The following MUC4 variants were observed in gnomAD, a reference collection of about 807,000 sequenced individuals.
MUC4 encodes mucin-4.
Under a neutral mutation model 257.9 loss-of-function variants are expected in MUC4, and 202 were observed. The ratio of observed to expected loss-of-function variants is 0.78; its 90% confidence interval spans 0.70 to 0.88. MUC4 has a LOEUF of 0.88. Ranked by LOEUF, MUC4 falls within the 40% of genes least tolerant of loss-of-function variation. The pLI is 0.00. For synonymous variants in MUC4, 2,351 were observed against 2,757.1 expected (o/e 0.85, Z 4.62); for missense variants, 5,976 against 6,513.7 (o/e 0.92, Z 2.84).
At position 195,779,940 on chromosome 3, in the gene MUC4, T is replaced by C. The variant is rs747268101; in HGVS notation, c.11640A>G (p.Ser3880=). 9.6e-6 allele frequency: 14 copies of C among 1,457,392 alleles called. 1 individual carries two copies. Among genetic ancestry groups the C allele is most frequent in the Non-Finnish European group, 1.3e-5 (14 of 1,104,080 alleles). 90.3% of individuals were successfully genotyped at this position (1,457,392 alleles called of 1,614,324 possible). Residue 3880 remains serine (S), a synonymous_variant, in exon 2 of 25, where the codon TCA becomes TCG. Transcript: ENST00000463781. ...ATPLPVTGLS[S]ASTGDTTPLP... ...GAGGGGTGGTGTCACCTGTGGAAGC[T>C]GAGGAAAGGCCGGTAACAGGAAGAG...
rs774114942 is a variant in MUC4 at position 195,791,206 on chromosome 3, G to C, written c.374C>G (p.Ser125Cys). 1 of 1,613,664 alleles carries C rather than the reference G, an allele frequency of 6.2e-7. No individual in the cohort carries two copies. Among genetic ancestry groups the C allele is most frequent in the South Asian group, 1.1e-5 (1 of 91,068 alleles). ...PPDEMTTSFP[S>C]SVTNTLMMTS... is the part of the protein sequence containing the mutation. ...CATCATGAGTGTGTTGGTGACACTG[G>C]AGGGAAATGATGTGGTCATTTCATC... Residue 125 changes from serine (S) to cysteine (C), a missense_variant, in exon 2 of 25, where the codon TCC becomes TGC. This residue lies in a region of MUC4 where 1,583 missense variants were observed against 1,257.4 expected (regional missense o/e 1.26). Coordinates refer to ENST00000463781, the MANE Select transcript of MUC4 (RefSeq NM_018406.7).
At position 195,774,611 on chromosome 3, in the gene MUC4, A is replaced by G. The variant is rs117432958; in HGVS notation, c.12944-306T>C. ...TCAATCCTTTTCAGGGTTAAAAGAC[A>G]AAAGTCTATGCTGGGTGCGGTGGCT... On this transcript the variant is annotated intron_variant, in intron 3 of 24. Coordinates refer to ENST00000463781, the MANE Select transcript of MUC4 (RefSeq NM_018406.7). Among the ~76,000 whole-genome samples the G allele has an allele frequency of 1.5e-4, 23 of 152,314 alleles. No individual in the cohort carries two copies. In the East Asian group the frequency reaches 4.3e-3, roughly 28 times the overall value.
chr3:195,766,405 T>C (rs906656530), intron 8 of MUC4, among the ~76,000 whole-genome samples: 3 of 151,936 alleles, frequency 2.0e-5, no homozygotes, highest in African/African-American at 7.3e-5. Context: ...CCGAGAGCCC[T>C]CTTGGGCTGG....
Position 195,774,194 on chromosome 3 carries a change from G to A in MUC4, c.13055C>T (p.Ser4352Phe). ...CACGTAGAGGGAATCACGGAGAGAG[G>A]AGCCAAGGGGGAAGCCAGTCGCCGG... Reference protein sequence around the residue: ...FKPATGFPLGSSLRDSLYFTD... With the variant: ...FKPATGFPLGFSLRDSLYFTD... The change falls in exon 4 of 25, where the codon TCC becomes TTC. Residue 4352 changes from serine (S) to phenylalanine (F), a missense_variant. Ser to Phe is a radical substitution (Grantham distance 155). Coordinates refer to ENST00000463781, the MANE Select transcript of MUC4 (RefSeq NM_018406.7). 1 of 1,608,554 alleles carries A rather than the reference G, an allele frequency of 6.2e-7. No homozygotes were observed. The highest frequency in any genetic ancestry group is 1.3e-5 in the African/African-American group (1 of 74,498).
chr3:195,802,368 G>A (rs1735436896), intron 1 of MUC4, among the ~76,000 whole-genome samples: 1 of 41,912 alleles, frequency 2.4e-5, no homozygotes, highest in African/African-American at 6.8e-5. Context: ...CACTGCCCCT[G>A]CTGACTCGGG....
At chr3:195,796,965 G>A (rs922168255) in intron 1 of MUC4, among the ~76,000 whole-genome samples, 11 of 152,318 alleles carry the variant, frequency 7.2e-5, no homozygotes, top group East Asian at 3.9e-4. Flanking sequence ...CATCATGGCC[G>A]GGCGCGGCGG....
Position 195,781,338 on chromosome 3 carries a change from A to G in MUC4, c.10242T>C (p.Pro3414=). ...TGGCGTGACCTGTGGATGCTGAGGA[A>G]GGGCTAGTGACAGGAAGAGGCATGG... is the stretch of plus-strand genomic sequence containing the variant. ...GDTMPLPVTS[P]SSASTGHATP... The change falls in exon 2 of 25, where the codon CCT becomes CCC. Residue 3414 remains proline, a synonymous_variant. Transcript: ENST00000463781. The G allele has an allele frequency of 1.3e-6, 2 of 1,503,170 alleles. No homozygotes were observed. The highest frequency in any genetic ancestry group is 1.8e-6 in the Non-Finnish European group (2 of 1,117,180). 93.1% of individuals were successfully genotyped at this position (1,503,170 alleles called of 1,614,324 possible). A position where few individuals can be genotyped will look rare whatever the true frequency, so the allele number is the denominator to read the frequency against.
At chr3:195,770,468 C>A (rs1249711421) in intron 5 of MUC4, 97 bp from the exon 6 acceptor site, 7 of 1,387,966 alleles carry the variant, frequency 5.0e-6, no homozygotes, top group Non-Finnish European at 6.0e-6. Flanking sequence ...CACTTCAGCC[C>A]ACCCAATGGC....
intron 19 of MUC4, chr3:195,753,949 A>C: frequency 7.5e-6 from 3 of 399,648 alleles, no homozygotes; most frequent in Non-Finnish European, 8.7e-6. Flanking sequence ...AGGGATGCCC[A>C]GCCCCGTCCC....
At chr3:195,795,652 T>C (rs1218310066) in intron 1 of MUC4, among the ~76,000 whole-genome samples, 2 of 151,444 alleles carry the variant, frequency 1.3e-5, no homozygotes. Context: ...TGAGTTTCCC[T>C]GCAAAAAGCT....
intron 24 of MUC4, among the ~76,000 whole-genome samples, chr3:195,748,047 C>T (rs1180143766): frequency 2.0e-5 from 3 of 151,380 alleles, no homozygotes; most frequent in Non-Finnish European, 4.4e-5. Flanking sequence ...CCCCCTCCTT[C>T]GGCGGGATCT....
chr3:195,780,590 G>T lies in MUC4; in HGVS notation c.10990C>A (p.Pro3664Thr), dbSNP rs200928587. 6.2e-6 allele frequency: 2 copies of T among 324,206 alleles called. No homozygotes were observed. The highest frequency in any genetic ancestry group is 2.9e-4 in the East Asian group (2 of 6,820). The allele number at this position is 324,206 out of a possible 1,614,324, so 20.1% of individuals were successfully genotyped here. Residue 3664 changes from proline (P) to threonine (T), a missense_variant, in exon 2 of 25, where the codon CCT becomes ACT. Physicochemically the swap from Pro to Thr is conservative, Grantham distance 38. This residue lies in a region of MUC4 where 59 missense variants were observed against 149.8 expected (regional missense o/e 0.39). Coordinates refer to ENST00000463781, the MANE Select transcript of MUC4 (RefSeq NM_018406.7). The stretch of plus-strand genomic sequence containing the variant: ...GAGGAAGTGTCGGTGACAGGAAGAG[G>T]GGTGGCGTGACCTGTGGATACTGAG... ...ASSVSTGHAT[P>T]LPVTDTSSAS...
intron 23 of MUC4, 21 bp from the exon 24 acceptor site, chr3:195,749,085 T>A: frequency 6.2e-7 from 1 of 1,607,724 alleles, no homozygotes; most frequent in South Asian, 1.1e-5. Context: ...GGACACAGAT[T>A]AACACAGAAA....
rs754485264 is a variant in MUC4, at chr3:195,789,162, G to A, written c.2418C>T (p.Ser806=). ...RTTSAGTATP[S]SSGASGTTPS... ...GTGTTGTGCCACTCGCCCCGGATGA[G>A]GAAGGGGTAGCTGTGCCCGCTGAGG... The change falls in exon 2 of 25, where the codon TCC becomes TCT. Residue 806 remains serine (S), a synonymous_variant. Coordinates refer to ENST00000463781, the MANE Select transcript of MUC4 (RefSeq NM_018406.7). 1.2e-6 allele frequency: 2 copies of A among 1,613,872 alleles called. No homozygotes were observed. The highest frequency in any genetic ancestry group is 2.2e-5 in the East Asian group (1 of 44,878).
At chr3:195,778,502 A>G (rs139557684) in intron 2 of MUC4, 47 bp from the exon 3 acceptor site, 81 of 1,600,452 alleles carry the variant, frequency 5.1e-5, no homozygotes, top group Non-Finnish European at 5.2e-5. Context: ...CAGTAACAAA[A>G]CAGGAGAGTC....
At position 195,780,042 on chromosome 3, in the gene MUC4, AGGG is replaced by A; in HGVS notation, c.11535_11537del (p.Pro3846del). On this transcript the variant is annotated inframe_deletion, in exon 2 of 25. Transcript: ENST00000463781. ...TGGTGTCACCTGTGGATACTGAGGAAGGGATGGTGACAGGAAGAGGGGTGGCGT... is the reference window on the plus strand; with the variant it reads ...TGGTGTCACCTGTGGATACTGAGGAAATGGTGACAGGAAGAGGGGTGGCGT... 4 of 735,926 alleles carry A rather than the reference AGGG, an allele frequency of 5.4e-6. 2 individuals carry two copies. The highest frequency in any genetic ancestry group is 4.7e-5 in the South Asian group (2 of 42,470). The allele number at this position is 735,926 out of a possible 1,614,324, so 45.6% of individuals were successfully genotyped here.
chr3:195,755,634 C>T lies in MUC4; in HGVS notation c.15169-1262G>A, dbSNP rs1465229193. Among the ~76,000 whole-genome samples, 1 of 152,134 alleles carries T rather than the reference C, an allele frequency of 6.6e-6. No homozygotes were observed. The highest frequency in any genetic ancestry group is 1.5e-5 in the Non-Finnish European group (1 of 68,026). ...AAGCTCCCTGCGCTCCCCTTTCTAA[C>T]TCCCTTACTGAAGCGACTCGGGGAA... On this transcript the variant is annotated intron_variant, in intron 18 of 24. Transcript: ENST00000463781. The surrounding 1 kb of genome is among the most constrained non-coding windows in gnomAD (Gnocchi z 5.0).
intron 1 of MUC4, among the ~76,000 whole-genome samples, chr3:195,796,624 G>A (rs1053564851): frequency 2.0e-5 from 3 of 152,050 alleles, no homozygotes; most frequent in Non-Finnish European, 4.4e-5. Flanking sequence ...CTGGGAGGCA[G>A]AGGTTGCAGT....
chr3:195,767,826 C>CCACCATCACCAT (rs1221411419), intron 7 of MUC4, among the ~76,000 whole-genome samples: 2 of 110,908 alleles, frequency 1.8e-5, no homozygotes, highest in African/African-American at 6.5e-5. Flanking sequence ...ACCACCACCA[C>CCACCATCACCAT]CACCATCACC....
Sources: gnomAD v4.1 joint callset for allele counts (sites outside exome capture counted in the v4.1 genomes callset) on GRCh38, gnomAD v4.1.1 for gene constraint, gnomAD v4.1.1 regional missense constraint, Gnocchi (gnomAD v3.1) non-coding constraint, MANE v1.5 for transcripts, NCBI Gene and HGNC (gene_info 2026-07-23, HGNC 2026-07-21) for gene names.